STIMATE: variants seen among roughly 807,000 people sequenced by gnomAD.
The protein encoded by STIMATE is STIM activating enhancer.
STIMATE carries 15 observed loss-of-function variants against 36.7 expected under a neutral mutation model. That is an observed-to-expected ratio of 0.41 (90% CI 0.27 to 0.63). The LOEUF (loss-of-function observed/expected upper bound fraction) is 0.63, where lower values mean the gene tolerates loss of function less well. Ranked by LOEUF, STIMATE falls within the 20% of genes least tolerant of loss-of-function variation. The probability of loss-of-function intolerance (pLI) is 0.32; values close to 1 mark genes in which losing one functional copy is unlikely to be tolerated. For synonymous variants in STIMATE, 163 were observed against 162.3 expected (o/e 1.00, Z -0.03); for missense variants, 305 against 397.3 (o/e 0.77, Z 1.98).
At chr3:52,894,569 C>G (rs1701833558) in intron 1 of STIMATE, among the ~76,000 whole-genome samples, 1 of 152,070 alleles carries the variant, frequency 6.6e-6, no homozygotes, top group Admixed American at 6.5e-5. Context: ...AACAAACAAA[C>G]AAAAACAAGG....
At position 52,897,528 on chromosome 3, in the gene STIMATE, C is replaced by A. The variant is rs896027143; in HGVS notation, c.-78G>T. 21 of 1,182,464 alleles carry A rather than the reference C, an allele frequency of 1.8e-5. No individual in the cohort carries two copies. The South Asian group carries it at 5.9e-4, about 33-fold the overall frequency. 73.2% of individuals were successfully genotyped at this position (1,182,464 alleles called of 1,614,324 possible). ...CCTGCCGGCGCAGCGCCGCCAAACC[C>A]GCAGCCGGGATCCCAAGCCTGAGCC... is the stretch of plus-strand genomic sequence containing the variant. On this transcript the variant is annotated 5_prime_UTR_variant, in exon 1 of 8. Coordinates refer to ENST00000355083, the MANE Select transcript of STIMATE (RefSeq NM_198563.5).
intron 1 of STIMATE, among the ~76,000 whole-genome samples, chr3:52,875,706 C>T (rs1480696214): frequency 6.6e-6 from 1 of 152,212 alleles, no homozygotes; most frequent in African/African-American, 2.4e-5. Flanking sequence ...ATCAAAGTTG[C>T]CAATTCACTT....
intron 1 of STIMATE, among the ~76,000 whole-genome samples, chr3:52,872,438 T>C (rs959320239): frequency 1.3e-5 from 2 of 152,180 alleles, no homozygotes; most frequent in Non-Finnish European, 2.9e-5. Flanking sequence ...CAGAAGCAGT[T>C]TGCAAGTTAT....
rs1020583950 is a variant in STIMATE at position 52,843,753 on chromosome 3, T to C, written c.586A>G (p.Ile196Val). 1 of 1,608,024 alleles carries C rather than the reference T, an allele frequency of 6.2e-7. No individual in the cohort carries two copies. The highest frequency in any genetic ancestry group is 8.5e-7 in the Non-Finnish European group (1 of 1,176,714). Residue 196 changes from isoleucine to valine, a missense_variant, in exon 6 of 8, where the codon ATC (isoleucine) becomes GTC (valine). Physicochemically the swap from Ile to Val is conservative, Grantham distance 29. This residue lies in a region of STIMATE where 164 missense variants were observed against 257.9 expected (regional missense o/e 0.64). Coordinates refer to ENST00000355083, the MANE Select transcript of STIMATE (RefSeq NM_198563.5). ...PIENPDLKLA[I>V]VMLIVPFFVN... ...AAGAAGGGGACGATCAGCATGACGATGGCCAGCTTCAAGTCTGGGTTTTCA... is the reference window on the plus strand; with the variant it reads ...AAGAAGGGGACGATCAGCATGACGACGGCCAGCTTCAAGTCTGGGTTTTCA...
intron 1 of STIMATE, among the ~76,000 whole-genome samples, chr3:52,892,293 T>C (rs1701795981): frequency 6.6e-6 from 1 of 152,210 alleles, no homozygotes; most frequent in Non-Finnish European, 1.5e-5. Flanking sequence ...CTTCCTGTTG[T>C]CCTGATTTTA....
intron 3 of STIMATE, among the ~76,000 whole-genome samples, chr3:52,850,814 C>T (rs1227661213): frequency 2.6e-5 from 4 of 152,198 alleles, no homozygotes; most frequent in Non-Finnish European, 5.9e-5. Flanking sequence ...CTGCAGCTTC[C>T]GCCTCCTGGG....
intron 4 of STIMATE, among the ~76,000 whole-genome samples, chr3:52,845,502 A>G (rs753886910): frequency 2.6e-5 from 4 of 152,056 alleles, no homozygotes; most frequent in Non-Finnish European, 5.9e-5. Context: ...AGGAATTTGG[A>G]CTCTACCTGT....
rs764782214 is a variant in STIMATE, at chr3:52,842,801, G to A, written c.768+10C>T. 2 of 1,614,140 alleles carry A rather than the reference G, an allele frequency of 1.2e-6. No homozygotes were observed. Among genetic ancestry groups the A allele is most frequent in the Non-Finnish European group, 1.7e-6 (2 of 1,180,026 alleles). ...CGGCTTGGGCCCTTGGAGAGTCAGG[G>A]AGGCCCTACCTCAGACTCAGACTCC... On this transcript the variant is annotated intron_variant, in intron 7 of 7. Transcript: ENST00000355083.
chr3:52,886,638 G>C (rs2106727734), intron 1 of STIMATE, among the ~76,000 whole-genome samples: 1 of 152,302 alleles, frequency 6.6e-6, no homozygotes, highest in South Asian at 2.1e-4. Context: ...TCCAAATGGG[G>C]GAGGCTTTCC....
intron 1 of STIMATE, among the ~76,000 whole-genome samples, chr3:52,866,228 C>T (rs958331143): frequency 1.3e-5 from 2 of 152,260 alleles, no homozygotes; most frequent in Non-Finnish European, 2.9e-5. Flanking sequence ...TACCCATTCC[C>T]ACATTCTTGC....
intron 1 of STIMATE, among the ~76,000 whole-genome samples, chr3:52,891,406 C>A (rs1219678192): frequency 6.6e-6 from 1 of 152,198 alleles, no homozygotes; most frequent in African/African-American, 2.4e-5. Context: ...GAAAAGAGGC[C>A]GGCTCCAGGG....
intron 1 of STIMATE, among the ~76,000 whole-genome samples, chr3:52,859,627 A>C (rs1246797834): frequency 8.1e-6 from 1 of 123,192 alleles, no homozygotes; most frequent in African/African-American, 3.0e-5. Flanking sequence ...ATTTAAGTTT[A>C]AGAGTGCCAC....
intron 1 of STIMATE, among the ~76,000 whole-genome samples, chr3:52,868,473 T>C (rs908931776): frequency 7.2e-5 from 11 of 152,172 alleles, no homozygotes; most frequent in Admixed American, 3.3e-4. Context: ...TATCCAAAAT[T>C]TTATGATTTT....
chr3:52,880,103 G>C (rs1701576387), intron 1 of STIMATE, among the ~76,000 whole-genome samples: 1 of 152,234 alleles, frequency 6.6e-6, no homozygotes, highest in Admixed American at 6.5e-5. Flanking sequence ...TGCTATGCCA[G>C]CTCCCACTCA....
intron 1 of STIMATE, among the ~76,000 whole-genome samples, chr3:52,858,768 G>A (rs193155661): frequency 1.3e-5 from 2 of 152,180 alleles, no homozygotes; most frequent in Non-Finnish European, 2.9e-5. Flanking sequence ...AATATTCACT[G>A]CAATACTGTC....
chr3:52,852,637 G>C lies in STIMATE; in HGVS notation c.271C>G (p.Leu91Val). The change falls in exon 3 of 8, where the codon CTA (leucine) becomes GTA (valine). Residue 91 changes from leucine to valine, a missense_variant. Leu to Val is a conservative substitution (Grantham distance 32). This residue lies in a region of STIMATE where 164 missense variants were observed against 257.9 expected (regional missense o/e 0.64). Coordinates refer to ENST00000355083, the MANE Select transcript of STIMATE (RefSeq NM_198563.5). ...GGGTCCTCTTCAGTGAGATCTGCTA[G>C]GTATACATTTGCAAAGTGGATGAAC... ...MLFIHFANVY[L>V]ADLTEEDPCS... 1 of 1,614,182 alleles carries C rather than the reference G, an allele frequency of 6.2e-7. No homozygotes were observed. Among genetic ancestry groups the C allele is most frequent in the South Asian group, 1.1e-5 (1 of 91,084 alleles).
At chr3:52,866,385 T>G (rs767450784) in intron 1 of STIMATE, among the ~76,000 whole-genome samples, 4 of 152,236 alleles carry the variant, frequency 2.6e-5, no homozygotes, top group Non-Finnish European at 4.4e-5. Context: ...TTGAGGGGCC[T>G]GGCAGGGCTC....
chr3:52,855,333 C>T (rs1701073812), intron 2 of STIMATE, 63 bp downstream of exon 2: 8 of 1,573,548 alleles, frequency 5.1e-6, no homozygotes, highest in Non-Finnish European at 7.0e-6. Flanking sequence ...ACCCCACCCC[C>T]AGCCCCAAGA....
At chr3:52,850,016 T>A in intron 3 of STIMATE, 103 bp from the exon 4 acceptor site, 1 of 1,456,720 alleles carries the variant, frequency 6.9e-7, no homozygotes, top group Non-Finnish European at 9.1e-7. Flanking sequence ...CCAGCATTTG[T>A]TTGGGCCCAT....
Sources: allele counts gnomAD v4.1 joint callset (sites outside exome capture counted in the v4.1 genomes callset), GRCh38; gene constraint gnomAD v4.1.1; regional missense constraint gnomAD v4.1.1; transcripts MANE v1.5; gene names NCBI Gene and HGNC (gene_info 2026-07-23, HGNC 2026-07-21).